Variants in CCDC93 observed in about 807,000 individuals in gnomAD.
The protein encoded by CCDC93 is coiled-coil domain-containing protein 93.
Under a neutral mutation model 108.2 loss-of-function variants are expected in CCDC93, and 61 were observed. That is an observed-to-expected ratio of 0.56 (90% CI 0.46 to 0.70). The LOEUF (loss-of-function observed/expected upper bound fraction) is 0.70. Among genes scored for constraint, CCDC93 ranks in the 30% least tolerant of loss-of-function variants. The pLI, the probability that CCDC93 is intolerant of heterozygous loss-of-function variation, is 0.00. For synonymous variants in CCDC93, 276 were observed against 260.4 expected, an observed-to-expected ratio of 1.06 and a Z score of -0.58; for missense variants, 685 against 764.2, an observed-to-expected ratio of 0.90 and a Z score of 1.22.
chr2:117,925,535 A>G lies in CCDC93; in HGVS notation c.1843-5139T>C, dbSNP rs570292113. Among the ~76,000 whole-genome samples the G allele has an allele frequency of 2.6e-5, 4 of 152,350 alleles. No individual in the cohort carries two copies. The South Asian group carries it at 6.2e-4, about 24-fold the overall frequency. On this transcript the variant is annotated intron_variant, in intron 23 of 23. Coordinates refer to ENST00000376300, the MANE Select transcript of CCDC93 (RefSeq NM_019044.5). ...CAAAAGACACAAAGAAGGCTATTAC[A>G]TAATGGTAAAGGGATCAATTCAACA...
intron 15 of CCDC93, among the ~76,000 whole-genome samples, chr2:117,947,365 CA>C (rs1298686896): frequency 6.6e-6 from 1 of 152,124 alleles, no homozygotes; most frequent in East Asian, 1.9e-4. Context: ...CAGAACTTGC[CA>C]GGCCTCATTT....
intron 23 of CCDC93, among the ~76,000 whole-genome samples, chr2:117,924,316 C>T (rs568377527): frequency 1.6e-4 from 24 of 151,934 alleles, no homozygotes; most frequent in Non-Finnish European, 3.2e-4. Flanking sequence ...ACGCTTCAGA[C>T]GATCAAACTA....
chr2:117,965,558 A>G (rs976469394), intron 11 of CCDC93, among the ~76,000 whole-genome samples: 5 of 152,204 alleles, frequency 3.3e-5, no homozygotes, highest in African/African-American at 1.2e-4. Context: ...AAAATATTTT[A>G]ATATCAACAA....
intron 23 of CCDC93, among the ~76,000 whole-genome samples, chr2:117,920,905 C>T (rs771593944): frequency 7.9e-5 from 12 of 152,094 alleles, no homozygotes; most frequent in Admixed American, 1.3e-4. Flanking sequence ...ATAATGGGGC[C>T]GGGCGCAGTG....
At chr2:117,989,755 C>T (rs1028034827) in intron 6 of CCDC93, among the ~76,000 whole-genome samples, 3 of 152,096 alleles carry the variant, frequency 2.0e-5, no homozygotes, top group Admixed American at 1.3e-4. Flanking sequence ...TTTAATAGTA[C>T]CTGACATATA....
chr2:117,986,156 T>G (rs1313061397), intron 6 of CCDC93, 87 bp from the exon 7 acceptor site: 14 of 557,932 alleles, frequency 2.5e-5, no homozygotes, highest in Non-Finnish European at 4.3e-5. Context: ...ATGGGGTATA[T>G]TCTCTTTTTT....
intron 1 of CCDC93, chr2:118,012,795 T>C (rs1677054540): frequency 6.6e-6 from 1 of 152,224 alleles, no homozygotes; most frequent in Admixed American, 6.5e-5. Flanking sequence ...GAGCACACAC[T>C]GACAAACAAA....
At chr2:118,001,446 G>C (rs1189084855) in intron 3 of CCDC93, among the ~76,000 whole-genome samples, 1 of 152,138 alleles carries the variant, frequency 6.6e-6, no homozygotes, top group East Asian at 1.9e-4. Flanking sequence ...CTACTCTCTG[G>C]TACAAGGATA....
At chr2:117,966,728 T>G (rs1679592546) in intron 11 of CCDC93, among the ~76,000 whole-genome samples, 2 of 152,256 alleles carry the variant, frequency 1.3e-5, no homozygotes, top group South Asian at 4.1e-4. Context: ...ACCCAAGCTC[T>G]AATTATCTGG....
In CCDC93 at chr2:117,939,085, G is replaced by T; in HGVS notation, c.1549C>A (p.Gln517Lys). 1 of 1,607,742 alleles carries T rather than the reference G, an allele frequency of 6.2e-7. No individual in the cohort carries two copies. The highest frequency in any genetic ancestry group is 8.5e-7 in the Non-Finnish European group (1 of 1,174,618). Residue 517 changes from glutamine (Q) to lysine (K), a missense_variant, in exon 20 of 24, where the codon CAG (glutamine) becomes AAG (lysine). Transcript: ENST00000376300. The part of the protein sequence containing the change: ...QISAVHKETK[Q>K]FFTLYNTLDD... ...AGGGTATTATATAAAGTGAAGAACT[G>T]CTTGGTTTCTTTGTGCACTGCTGAA...
At chr2:117,944,200 A>C in intron 17 of CCDC93, 114 bp from the exon 18 acceptor site, 1 of 668,756 alleles carries the variant, frequency 1.5e-6, no homozygotes, top group Non-Finnish European at 2.4e-6. Context: ...AAGGCCTTAA[A>C]TTTCTCTTCT....
At chr2:117,951,471 G>A (rs1679054301) in intron 13 of CCDC93, 1 of 986,684 alleles carries the variant, frequency 1.0e-6, no homozygotes, top group Admixed American at 6.1e-5. Context: ...CAAATTAAGT[G>A]CTACATATCG....
chr2:117,926,674 A>T (rs866847592), intron 23 of CCDC93, among the ~76,000 whole-genome samples: 13 of 152,306 alleles, frequency 8.5e-5, no homozygotes, highest in African/African-American at 2.9e-4. Context: ...ATTCACAGCC[A>T]AATTCTACCA....
chr2:117,928,937 A>G (rs1678223582), intron 23 of CCDC93, among the ~76,000 whole-genome samples: 1 of 152,238 alleles, frequency 6.6e-6, no homozygotes, highest in East Asian at 1.9e-4. Flanking sequence ...GCCATAAAAA[A>G]GGATGAGTTC....
At chr2:117,991,102 G>C (rs898934177) in intron 6 of CCDC93, among the ~76,000 whole-genome samples, 1 of 152,064 alleles carries the variant, frequency 6.6e-6, no homozygotes, top group African/African-American at 2.4e-5. Flanking sequence ...AAGACAATAA[G>C]CTAAAGATTC....
chr2:117,945,435 A>G (rs1678838499), intron 17 of CCDC93, 94 bp downstream of exon 17: 2 of 1,026,566 alleles, frequency 1.9e-6, no homozygotes, highest in Non-Finnish European at 3.1e-6. Flanking sequence ...CATAGAGCAC[A>G]TTAAAGTAGG....
At chr2:117,986,158 C>CTATTTT in intron 6 of CCDC93, 89 bp from the exon 7 acceptor site, 2 of 350,882 alleles carry the variant, frequency 5.7e-6, no homozygotes, top group Non-Finnish European at 4.9e-6. Flanking sequence ...GGGGTATATT[C>CTATTTT]TCTTTTTTTT....
Position 118,002,931 on chromosome 2 carries a change from A to C in CCDC93, c.252-1999T>G, listed in dbSNP as rs1676748822. On this transcript the variant is annotated intron_variant, in intron 3 of 23. Transcript: ENST00000376300. ...TGCATTCCTACAGTCCCAGCTACTC[A>C]AAAGACTAAGGCAGGAAGATCACTT... Among the ~76,000 whole-genome samples, 3 of 152,240 alleles carry C rather than the reference A, an allele frequency of 2.0e-5. No homozygotes were observed. The South Asian group carries it at 6.2e-4, about 31-fold the overall frequency.
intron 7 of CCDC93, among the ~76,000 whole-genome samples, chr2:117,983,813 G>T (rs755864840): frequency 6.6e-6 from 1 of 151,932 alleles, no homozygotes; most frequent in Non-Finnish European, 1.5e-5. Flanking sequence ...CACTTGTTGG[G>T]GCTGTACATT....
Sources: gnomAD v4.1 joint callset for allele counts (sites outside exome capture counted in the v4.1 genomes callset) on GRCh38, gnomAD v4.1.1 for gene constraint, MANE v1.5 for transcripts, NCBI Gene and HGNC (gene_info 2026-07-23, HGNC 2026-07-21) for gene names.